DLG2: variants seen among roughly 807,000 people sequenced by gnomAD.
The protein encoded by DLG2 is discs large MAGUK scaffold protein 2.
In DLG2, 45 loss-of-function variants were observed where a neutral mutation model predicts 132.5. The ratio of observed to expected loss-of-function variants is 0.34; its 90% CI spans 0.27 to 0.44. The LOEUF (loss-of-function observed/expected upper bound fraction) is 0.44, where lower values mean the gene tolerates loss of function less well. DLG2 is among the 20% of genes least tolerant of loss of function. The pLI is 1.00. For missense variants in DLG2, 1,045 were observed against 1,196.9 expected (o/e 0.87, Z 1.87); for synonymous variants, 424 against 419.6 (o/e 1.01, Z -0.13).
chr11:83,493,381 TTCC>T (rs2093978028), intron 21 of DLG2, among the ~76,000 whole-genome samples: 1 of 95,422 alleles, frequency 1.0e-5, no homozygotes, highest in Non-Finnish European at 2.4e-5. Context: ...CCTTCCTTCC[TTCC>T]TTCCTTCCTT....
intron 17 of DLG2, chr11:83,790,483 G>A: frequency 4.1e-6 from 5 of 1,232,586 alleles, no homozygotes; most frequent in Non-Finnish European, 5.9e-6. Context: ...ACTACCATGG[G>A]ACCACTACTT....
chr11:84,014,836 CT>C (rs35189558), intron 11 of DLG2, among the ~76,000 whole-genome samples: 10,956 of 147,084 alleles, frequency 0.074, 1,150 homozygotes, highest in African/African-American at 0.24. Context: ...CTGATACAGA[CT>C]TTTTTTTTTT....
intron 12 of DLG2, among the ~76,000 whole-genome samples, chr11:83,977,095 A>G (rs908153858): frequency 1.3e-5 from 2 of 152,040 alleles, no homozygotes; most frequent in Non-Finnish European, 2.9e-5. Context: ...TCACAATGCT[A>G]GTATTAATTA....
At position 84,107,218 on chromosome 11, in the gene DLG2, G is replaced by A. The variant is rs374864079; in HGVS notation, c.625-8171C>T. 2.0e-5 allele frequency among the ~76,000 whole-genome samples: 3 copies of A among 151,916 alleles called. No homozygotes were observed. The East Asian group carries it at 5.8e-4, about 29-fold the overall frequency. On this transcript the variant is annotated intron_variant, in intron 9 of 27. Coordinates refer to ENST00000376104, the MANE Select transcript of DLG2 (RefSeq NM_001142699.3). ...ATAATCTTGAAGGAGGAGTGAGAATGGGGCCCAGAGTTCAGACTCTTTGAG... is the reference window on the plus strand; with the variant it reads ...ATAATCTTGAAGGAGGAGTGAGAATAGGGCCCAGAGTTCAGACTCTTTGAG...
intron 7 of DLG2, among the ~76,000 whole-genome samples, chr11:84,282,773 G>C (rs942546122): frequency 1.3e-5 from 2 of 152,060 alleles, no homozygotes; most frequent in African/African-American, 4.8e-5. Flanking sequence ...TTCTAGTTAT[G>C]GTTCTTGCTC....
intron 7 of DLG2, among the ~76,000 whole-genome samples, chr11:84,460,467 T>C (rs1310397775): frequency 6.6e-6 from 1 of 150,544 alleles, no homozygotes; most frequent in African/African-American, 2.4e-5. Context: ...ATTTGTACTA[T>C]ACACAGAGTT....
intron 4 of DLG2, among the ~76,000 whole-genome samples, chr11:85,261,927 G>A (rs76836854): frequency 0.025 from 3,743 of 152,184 alleles, 143 homozygotes; most frequent in African/African-American, 0.084. Flanking sequence ...GGTTTGTCAG[G>A]GGAAGAAAGT....
chr11:84,152,114 T>G (rs554551583), intron 9 of DLG2, among the ~76,000 whole-genome samples: 1 of 152,214 alleles, frequency 6.6e-6, no homozygotes, highest in Non-Finnish European at 1.5e-5. Flanking sequence ...GTTTGCTGCA[T>G]TGATGATCTA....
chr11:85,395,160 T>A (rs905170524), intron 3 of DLG2, among the ~76,000 whole-genome samples: 3 of 152,162 alleles, frequency 2.0e-5, no homozygotes, highest in Non-Finnish European at 4.4e-5. Flanking sequence ...AGCCCTTTCA[T>A]GGAACAGGTA....
intron 3 of DLG2, among the ~76,000 whole-genome samples, chr11:85,441,087 C>G (rs539738519): frequency 6.6e-6 from 1 of 152,268 alleles, no homozygotes; most frequent in Admixed American, 6.5e-5. Flanking sequence ...AACATCATCC[C>G]TAAGTCTTAA....
intron 3 of DLG2, among the ~76,000 whole-genome samples, chr11:85,447,623 T>G (rs720496): frequency 0.76 from 115,842 of 151,964 alleles, 44,837 homozygotes; most frequent in Middle Eastern, 0.85. Context: ...TTTTGCTCTT[T>G]AAACAATTGA....
chr11:84,144,687 CTA>C (rs1430992620), intron 9 of DLG2, among the ~76,000 whole-genome samples: 2 of 152,156 alleles, frequency 1.3e-5, no homozygotes, highest in Non-Finnish European at 2.9e-5. Flanking sequence ...GGGGTAATGA[CTA>C]TCACAGCAGT....
intron 7 of DLG2, among the ~76,000 whole-genome samples, chr11:84,381,254 A>G (rs2098748259): frequency 6.6e-6 from 1 of 152,104 alleles, no homozygotes; most frequent in Non-Finnish European, 1.5e-5. Context: ...TCTTACAAGG[A>G]AATACTAGAC....
chr11:84,893,024 G>A (rs1434713544), intron 6 of DLG2, among the ~76,000 whole-genome samples: 1 of 152,028 alleles, frequency 6.6e-6, no homozygotes, highest in East Asian at 1.9e-4. Flanking sequence ...TTTATATACT[G>A]CCCATCAGAA....
At chr11:84,123,121 A>G (rs577997404) in intron 9 of DLG2, among the ~76,000 whole-genome samples, 69 of 152,318 alleles carry the variant, frequency 4.5e-4, no homozygotes, top group African/African-American at 1.4e-3. Flanking sequence ...CCTCAATAGT[A>G]GCATCCTCTG....
chr11:85,233,221 T>C (rs1402204998), intron 4 of DLG2, among the ~76,000 whole-genome samples: 1 of 151,866 alleles, frequency 6.6e-6, no homozygotes, highest in Non-Finnish European at 1.5e-5. Flanking sequence ...GGTTGAGGTC[T>C]GCGTATTGTT....
rs148894142 is a variant in DLG2 at position 83,583,777 on chromosome 11, T to C, written c.1941-41919A>G. Among the ~76,000 whole-genome samples, 956 of 152,342 alleles carry C rather than the reference T, an allele frequency of 6.3e-3. 9 individuals carry two copies. The highest frequency in any genetic ancestry group is 0.021 in the African/African-American group (883 of 41,568). ...TTATTTAATTGTTGTTCAATTGATA[T>C]GTTTCATTAATAAAGTAATGAATGA... On this transcript the variant is annotated intron_variant, in intron 19 of 27. Coordinates refer to ENST00000376104, the MANE Select transcript of DLG2 (RefSeq NM_001142699.3).
intron 7 of DLG2, among the ~76,000 whole-genome samples, chr11:84,417,737 A>G (rs967172414): frequency 1.3e-5 from 2 of 152,156 alleles, no homozygotes; most frequent in African/African-American, 4.8e-5. Flanking sequence ...TCTTCAAAAC[A>G]ATGACAGAAT....
intron 7 of DLG2, among the ~76,000 whole-genome samples, chr11:84,429,264 T>C (rs995626975): frequency 6.6e-6 from 1 of 152,210 alleles, no homozygotes; most frequent in Admixed American, 6.5e-5. Context: ...AGTACAAATC[T>C]TTCCCTTTAA....
Sources: gnomAD v4.1 joint callset for allele counts (sites outside exome capture counted in the v4.1 genomes callset) on GRCh38, gnomAD v4.1.1 for gene constraint, MANE v1.5 for transcripts, NCBI Gene and HGNC (gene_info 2026-07-23, HGNC 2026-07-21) for gene names.